Variants in PCDH15 observed in about 807,000 individuals in gnomAD.
PCDH15 encodes protocadherin related 15, also known as protocadherin-15.
PCDH15 carries 129 observed loss-of-function variants against 178.5 expected under a neutral mutation model. The observed-to-expected ratio is 0.72, with a 90% CI of 0.63 to 0.84. The LOEUF is 0.84. Ranked by LOEUF, PCDH15 falls within the 40% of genes least tolerant of loss-of-function variation. PCDH15 has a pLI of 0.00. For missense variants in PCDH15, 2,230 were observed against 2,099.9 expected (o/e 1.06, Z -1.21); for synonymous variants, 800 against 732.0 (o/e 1.09, Z -1.50).
At chr10:54,098,081 T>TAAAAC (rs928441124) in intron 15 of PCDH15, among the ~76,000 whole-genome samples, 1 of 152,012 alleles carries the variant, frequency 6.6e-6, no homozygotes. Context: ...GAATTTACAG[T>TAAAAC]AAAACAAAAC....
intron 2 of PCDH15, among the ~76,000 whole-genome samples, chr10:55,153,964 T>TA (rs1206433839): frequency 6.6e-6 from 1 of 152,190 alleles, no homozygotes; most frequent in African/African-American, 2.4e-5. Flanking sequence ...GCTTTCTCAT[T>TA]AAAAATACTT....
chr10:55,401,647 C>T (rs146386469), intron 2 of PCDH15, among the ~76,000 whole-genome samples: 90 of 130,214 alleles, frequency 6.9e-4, no homozygotes, highest in Admixed American at 1.3e-3. Context: ...TAGTGAGTAG[C>T]CACTAGGTTG....
At chr10:55,547,888 T>TGTGG (rs199820242) in intron 2 of PCDH15, among the ~76,000 whole-genome samples, 3,593 of 93,948 alleles carry the variant, frequency 0.038, 382 homozygotes, top group South Asian at 0.072. Flanking sequence ...AGGGAGGTGG[T>TGTGG]GTGTGTGTCT....
At chr10:55,568,719 T>C (rs1319118116) in intron 2 of PCDH15, among the ~76,000 whole-genome samples, 1 of 152,058 alleles carries the variant, frequency 6.6e-6, no homozygotes. Flanking sequence ...GCTATTGTCA[T>C]TCACAGATTC....
chr10:55,467,029 C>T (rs1231750870), intron 2 of PCDH15, among the ~76,000 whole-genome samples: 1 of 152,310 alleles, frequency 6.6e-6, no homozygotes, highest in South Asian at 2.1e-4. Context: ...TCACATCACC[C>T]TTGTTTTGCT....
chr10:55,035,836 G>A (rs1161291239), intron 2 of PCDH15, among the ~76,000 whole-genome samples: 1 of 146,938 alleles, frequency 6.8e-6, no homozygotes, highest in Admixed American at 6.6e-5. Context: ...ATGGCCATAG[G>A]GGGTAGCCAG....
chr10:54,790,475 G>A (rs1951302069), intron 1 of PCDH15, among the ~76,000 whole-genome samples: 1 of 151,784 alleles, frequency 6.6e-6, no homozygotes, highest in African/African-American at 2.4e-5. Flanking sequence ...GACAAAGGCA[G>A]GTGAGAAGTC....
At chr10:54,938,212 A>C (rs1837953767) in intron 2 of PCDH15, among the ~76,000 whole-genome samples, 1 of 151,846 alleles carries the variant, frequency 6.6e-6, no homozygotes, top group Admixed American at 6.6e-5. Flanking sequence ...GTAGTCTGCT[A>C]GTATTAAGTG....
chr10:54,088,409 C>A (rs892310906), intron 16 of PCDH15, among the ~76,000 whole-genome samples: 1 of 152,048 alleles, frequency 6.6e-6, no homozygotes, highest in African/African-American at 2.4e-5. Context: ...TAGATTATTT[C>A]TCTTTATTAA....
chr10:55,092,716 T>G (rs958213926), intron 2 of PCDH15, among the ~76,000 whole-genome samples: 17 of 151,898 alleles, frequency 1.1e-4, no homozygotes, highest in African/African-American at 3.6e-4. Flanking sequence ...GAAAACATGC[T>G]TATTGCTCTG....
At chr10:54,371,911 A>G (rs190048134) in intron 4 of PCDH15, among the ~76,000 whole-genome samples, 1 of 151,956 alleles carries the variant, frequency 6.6e-6, no homozygotes, top group East Asian at 1.9e-4. Context: ...AATAGAACAG[A>G]CTATTCTATA....
At chr10:55,139,004 C>T (rs2132086250) in intron 2 of PCDH15, among the ~76,000 whole-genome samples, 1 of 152,078 alleles carries the variant, frequency 6.6e-6, no homozygotes, top group Middle Eastern at 3.4e-3. Context: ...TTTGTATATT[C>T]ATTTAGCCAT....
chr10:55,238,145 CTTTTTTTT>C (rs758000610), intron 1 of PCDH15, among the ~76,000 whole-genome samples: 2 of 124,460 alleles, frequency 1.6e-5, no homozygotes, highest in East Asian at 4.5e-4. Flanking sequence ...TTCATATTTT[CTTTTTTTT>C]TTTTTTTTTT....
intron 3 of PCDH15, among the ~76,000 whole-genome samples, chr10:54,409,491 C>G (rs1484532310): frequency 1.3e-5 from 2 of 152,004 alleles, no homozygotes; most frequent in African/African-American, 4.8e-5. Context: ...CTAGAAGATT[C>G]TTTCCCCAGG....
chr10:54,194,659 TC>T, intron 11 of PCDH15, among the ~76,000 whole-genome samples: 1 of 118,728 alleles, frequency 8.4e-6, no homozygotes, highest in Admixed American at 7.8e-5. Context: ...TCTCTATCTA[TC>T]TATCTATCTA....
intron 3 of PCDH15, among the ~76,000 whole-genome samples, chr10:54,440,982 G>A (rs186241072): frequency 6.6e-4 from 100 of 151,990 alleles, no homozygotes; most frequent in African/African-American, 3.4e-4. Flanking sequence ...AAGCCCTCTC[G>A]CTTTAGTAGC....
chr10:54,718,388 C>T (rs2095506702), intron 1 of PCDH15, among the ~76,000 whole-genome samples: 1 of 152,122 alleles, frequency 6.6e-6, no homozygotes, highest in Non-Finnish European at 1.5e-5. Context: ...AGCCTGCTCA[C>T]ATGCACAGTG....
intron 11 of PCDH15, among the ~76,000 whole-genome samples, chr10:54,195,037 A>G (rs757109479): frequency 1.3e-5 from 2 of 152,150 alleles, no homozygotes; most frequent in Admixed American, 6.6e-5. Context: ...TCCATTGTAA[A>G]TTCCTGGGAG....
intron 7 of PCDH15, among the ~76,000 whole-genome samples, chr10:54,317,677 C>T (rs1170007179): frequency 6.6e-6 from 1 of 151,992 alleles, no homozygotes; most frequent in Non-Finnish European, 1.5e-5. Context: ...GAGGCTGAGG[C>T]AGGAGGATCG....
Sources: gnomAD v4.1 joint callset for allele counts (sites outside exome capture counted in the v4.1 genomes callset) on GRCh38, gnomAD v4.1.1 for gene constraint, MANE v1.5 for transcripts, NCBI Gene and HGNC (gene_info 2026-07-23, HGNC 2026-07-21) for gene names.